Variants in PALLD observed in about 807,000 individuals in gnomAD.
PALLD encodes palladin.
A neutral mutation model predicts 123.5 loss-of-function variants in PALLD; 61 were observed. The observed-to-expected ratio is 0.49, with a 90% CI of 0.40 to 0.61. PALLD has a LOEUF of 0.61. Among genes scored for constraint, PALLD ranks in the 20% least tolerant of loss-of-function variants. PALLD has a pLI of 0.00. For synonymous variants in PALLD, 465 were observed against 496.4 expected, an observed-to-expected ratio of 0.94 and a Z score of 0.84; for missense variants, 1,273 against 1,377.0, an observed-to-expected ratio of 0.92 and a Z score of 1.20.
chr4:168,780,802 C>T (rs990966769), intron 10 of PALLD, among the ~76,000 whole-genome samples: 16 of 152,060 alleles, frequency 1.1e-4, no homozygotes, highest in Admixed American at 7.2e-4. Context: ...ATTCTCCTGC[C>T]TCAGCCTCCC....
chr4:168,799,244 T>G (rs576762134), intron 10 of PALLD, among the ~76,000 whole-genome samples: 16 of 152,304 alleles, frequency 1.1e-4, no homozygotes, highest in African/African-American at 3.8e-4. Flanking sequence ...GCTGTCAATC[T>G]TGTTTACCTA....
At chr4:168,577,886 C>G (rs1311658120) in intron 2 of PALLD, among the ~76,000 whole-genome samples, 1 of 151,804 alleles carries the variant, frequency 6.6e-6, no homozygotes, top group Non-Finnish European at 1.5e-5. Context: ...AAGAAAACAG[C>G]TGAACAGCTG....
Position 168,826,905 on chromosome 4 carries a change from A to G in PALLD, c.1965-64017A>G, listed in dbSNP as rs150460217. 1.9e-3 allele frequency among the ~76,000 whole-genome samples: 282 copies of G among 152,342 alleles called. 1 individual carries two copies. The highest frequency in any genetic ancestry group is 2.7e-3 in the Non-Finnish European group (184 of 68,038). ...CCAAAGGCCATGCTCTTTTCAGGAC[A>G]TGCCTTCACTAGATGATCTCTTCAG... On this transcript the variant is annotated intron_variant, in intron 10 of 21. Transcript: ENST00000505667.
intron 2 of PALLD, among the ~76,000 whole-genome samples, chr4:168,612,470 C>T (rs1773832825): frequency 6.6e-6 from 1 of 152,054 alleles, no homozygotes; most frequent in Non-Finnish European, 1.5e-5. Flanking sequence ...AAGTTGAGCC[C>T]CAACTCCCTT....
chr4:168,634,166 AG>A (rs1776108655), intron 2 of PALLD, among the ~76,000 whole-genome samples: 1 of 152,208 alleles, frequency 6.6e-6, no homozygotes, highest in Admixed American at 6.5e-5. Flanking sequence ...GTTATGATTG[AG>A]GTCTTGTTCA....
intron 3 of PALLD, 144 bp from the exon 4 acceptor site, chr4:168,681,188 T>A: frequency 1.7e-6 from 1 of 597,208 alleles, no homozygotes; most frequent in Non-Finnish European, 3.0e-6. Flanking sequence ...AAAAATTGTC[T>A]GAGCCTGAAT....
chr4:168,719,252 CTTTTTT>C (rs869040811), intron 10 of PALLD, among the ~76,000 whole-genome samples: 11 of 85,698 alleles, frequency 1.3e-4, no homozygotes, highest in African/African-American at 3.3e-4. Flanking sequence ...AAGTAATCTT[CTTTTTT>C]TTTTTTTTTT....
In PALLD at chr4:168,926,579, A is replaced by G. The variant is rs1762608696; in HGVS notation, c.*399A>G. 2.0e-6 allele frequency: 1 copy of G among 497,994 alleles called. No homozygotes were observed. The highest frequency in any genetic ancestry group is 3.5e-6 in the Non-Finnish European group (1 of 282,748). The allele number at this position is 497,994 out of a possible 1,614,324, so 30.8% of individuals were successfully genotyped here. A position where few individuals can be genotyped will look rare whatever the true frequency, so the allele number is the denominator to read the frequency against. ...AGATAATGCTAATACAAATATACAC[A>G]TTGCACAGAAAATACACATTTACTG... On this transcript the variant is annotated 3_prime_UTR_variant, in exon 22 of 22. Transcript: ENST00000505667.
intron 10 of PALLD, among the ~76,000 whole-genome samples, chr4:168,807,466 A>G (rs564063539): frequency 2.6e-5 from 4 of 152,022 alleles, no homozygotes; most frequent in African/African-American, 7.2e-5. Flanking sequence ...CTGGAGTGCA[A>G]TGGCGCGATC....
At chr4:168,760,908 A>G (rs1025348515) in intron 10 of PALLD, among the ~76,000 whole-genome samples, 2 of 152,198 alleles carry the variant, frequency 1.3e-5, no homozygotes, top group African/African-American at 4.8e-5. Flanking sequence ...GCCCTTCTCA[A>G]GAAGTATGGA....
chr4:168,790,158 CTTTTTTTT>C (rs1181288734), intron 10 of PALLD, among the ~76,000 whole-genome samples: 1 of 133,534 alleles, frequency 7.5e-6, no homozygotes, highest in Non-Finnish European at 1.6e-5. Flanking sequence ...TTTGTGGTTT[CTTTTTTTT>C]TTTTTTTTTT....
At chr4:168,680,940 C>T (rs1781493703) in intron 3 of PALLD, among the ~76,000 whole-genome samples, 1 of 152,200 alleles carries the variant, frequency 6.6e-6, no homozygotes, top group Non-Finnish European at 1.5e-5. Flanking sequence ...CAGAAAGCAT[C>T]AGTCCTTACC....
At chr4:168,585,534 A>G (rs900516109) in intron 2 of PALLD, among the ~76,000 whole-genome samples, 3 of 152,170 alleles carry the variant, frequency 2.0e-5, no homozygotes, top group Non-Finnish European at 2.9e-5. Flanking sequence ...CAGCTCATCA[A>G]TGCTGTCATG....
At position 168,928,149 on chromosome 4, in the gene PALLD, T is replaced by A; in HGVS notation, c.*1969T>A. On this transcript the variant is annotated 3_prime_UTR_variant, in exon 22 of 22. Coordinates refer to ENST00000505667, the MANE Select transcript of PALLD (RefSeq NM_001166108.2). Reference sequence around the variant, plus strand: ...GTTCAAGTTTCTTTGACCGCACTTATATGCATTGCTAATATGGAATTTAAG... The same window carrying A: ...GTTCAAGTTTCTTTGACCGCACTTAAATGCATTGCTAATATGGAATTTAAG... 5.3e-6 allele frequency: 1 copy of A among 190,402 alleles called. No individual in the cohort carries two copies. Among genetic ancestry groups the A allele is most frequent in the South Asian group, 1.9e-4 (1 of 5,140 alleles). The allele number at this position is 190,402 out of a possible 1,614,324, so 11.8% of individuals were successfully genotyped here. A position where few individuals can be genotyped will look rare whatever the true frequency, so the allele number is the denominator to read the frequency against.
intron 3 of PALLD, among the ~76,000 whole-genome samples, chr4:168,670,765 CA>C (rs367710328): frequency 0.1 from 11,230 of 108,088 alleles, 845 homozygotes; most frequent in East Asian, 0.12. Flanking sequence ...ACAAAAAAAA[CA>C]AAAAAAAACA....
At chr4:168,864,684 G>A (rs1348688275) in intron 10 of PALLD, 1 of 150,692 alleles carries the variant, frequency 6.6e-6, no homozygotes, top group Non-Finnish European at 1.5e-5. Flanking sequence ...AAATCCAGAT[G>A]TGGTGTGCAA....
At chr4:168,904,032 A>G (rs1322062997) in intron 15 of PALLD, 126 bp downstream of exon 15, 2 of 925,958 alleles carry the variant, frequency 2.2e-6, no homozygotes, top group East Asian at 4.9e-5. Context: ...ATTTTTCCAA[A>G]TTCTACATCC....
chr4:168,854,366 A>G (rs1162335187), intron 10 of PALLD, among the ~76,000 whole-genome samples: 1 of 152,252 alleles, frequency 6.6e-6, no homozygotes, highest in Non-Finnish European at 1.5e-5. Flanking sequence ...GAATGTTACA[A>G]TTCTAGCTCT....
intron 10 of PALLD, among the ~76,000 whole-genome samples, chr4:168,818,213 G>A (rs993601839): frequency 6.6e-6 from 1 of 150,858 alleles, no homozygotes; most frequent in Non-Finnish European, 1.5e-5. Flanking sequence ...TTATGCCCAC[G>A]AATAGTCATT....
Sources: gnomAD v4.1 joint callset for allele counts (sites outside exome capture counted in the v4.1 genomes callset) on GRCh38, gnomAD v4.1.1 for gene constraint, MANE v1.5 for transcripts, NCBI Gene and HGNC (gene_info 2026-07-23, HGNC 2026-07-21) for gene names.